Variants in CHD6 observed in about 807,000 individuals in gnomAD.
CHD6 encodes the protein ATP-dependent chromatin remodeler CHD6.
CHD6 carries 50 observed loss-of-function variants against 276.9 expected under a neutral mutation model. The observed-to-expected ratio is 0.18, with a 90% confidence interval of 0.14 to 0.23. The LOEUF (loss-of-function observed/expected upper bound fraction) is 0.23, where lower values mean the gene tolerates loss of function less well. Among genes scored for constraint, CHD6 ranks in the 10% least tolerant of loss-of-function variants. CHD6 has a pLI of 1.00. For synonymous variants in CHD6, 1,173 were observed against 1,229.3 expected, an observed-to-expected ratio of 0.95 and a Z score of 0.96; for missense variants, 2,564 against 3,365.8, an observed-to-expected ratio of 0.76 and a Z score of 5.89.
intron 2 of CHD6, among the ~76,000 whole-genome samples, chr20:41,535,147 C>T (rs2044798196): frequency 6.6e-6 from 1 of 152,096 alleles, no homozygotes; most frequent in South Asian, 2.1e-4. Flanking sequence ...GTCTTTTCAG[C>T]TCATATCTCA....
chr20:41,536,053 T>TA (rs11481883), intron 2 of CHD6, among the ~76,000 whole-genome samples: 11,673 of 152,016 alleles, frequency 0.077, 870 homozygotes, highest in East Asian at 0.32. Flanking sequence ...TGCTGAAGAT[T>TA]AAAAAATATA....
At chr20:41,553,574 G>C (rs913808492) in intron 1 of CHD6, among the ~76,000 whole-genome samples, 7 of 152,242 alleles carry the variant, frequency 4.6e-5, no homozygotes, top group African/African-American at 1.4e-4. Flanking sequence ...TAGTTTAAGA[G>C]CGTGAGGTCT....
intron 1 of CHD6, among the ~76,000 whole-genome samples, chr20:41,554,957 C>T (rs2045200894): frequency 6.6e-6 from 1 of 151,556 alleles, no homozygotes; most frequent in South Asian, 2.1e-4. Flanking sequence ...GTAGGGGCAG[C>T]CGGGCAGAGG....
At chr20:41,472,651 C>T (rs1003207823) in intron 17 of CHD6, among the ~76,000 whole-genome samples, 1 of 152,174 alleles carries the variant, frequency 6.6e-6, no homozygotes, top group Non-Finnish European at 1.5e-5. Context: ...ATTGTTTTTA[C>T]TTTGAAACAG....
chr20:41,463,043 A>T, intron 17 of CHD6, among the ~76,000 whole-genome samples: 1 of 152,236 alleles, frequency 6.6e-6, no homozygotes, highest in Non-Finnish European at 1.5e-5. Context: ...AAATTACTCA[A>T]AGAACGAGGG....
intron 1 of CHD6, among the ~76,000 whole-genome samples, chr20:41,552,439 G>A (rs1021873018): frequency 3.9e-5 from 6 of 152,084 alleles, no homozygotes; most frequent in African/African-American, 1.4e-4. Context: ...TATTTGAGGT[G>A]GTAGATATGT....
chr20:41,497,648 C>A (rs1601010817), intron 7 of CHD6, 147 bp from the exon 8 acceptor site: 1 of 685,594 alleles, frequency 1.5e-6, no homozygotes, highest in East Asian at 2.6e-5. Context: ...TTAGAAAGAC[C>A]TTCCCCTTAA....
At chr20:41,509,710 AAC>A (rs1461230101) in intron 5 of CHD6, among the ~76,000 whole-genome samples, 1 of 152,194 alleles carries the variant, frequency 6.6e-6, no homozygotes, top group Non-Finnish European at 1.5e-5. Context: ...CAGGCTTGTC[AAC>A]AGTCTTTACA....
At position 41,473,352 on chromosome 20, in the gene CHD6, A is replaced by G; in HGVS notation, c.2634T>C (p.Asp878=). The G allele has an allele frequency of 6.2e-7, 1 of 1,614,036 alleles. No homozygotes were observed. The highest frequency in any genetic ancestry group is 8.5e-7 in the Non-Finnish European group (1 of 1,179,962). ...LTAADTCIIF[D]SDWNPQNDLQ... ...AGTCATTTTGTGGGTTCCAGTCAGA[A>G]TCAAATATGATGCAGGTATCAGCAG... The change falls in exon 17 of 37, where the codon GAT becomes GAC. Residue 878 remains aspartate (D), a synonymous_variant. Transcript: ENST00000373233. The surrounding 1 kb of genome is among the most constrained non-coding windows in gnomAD (Gnocchi z 4.1).
intron 1 of CHD6, among the ~76,000 whole-genome samples, chr20:41,610,978 T>C (rs929653742): frequency 6.6e-6 from 1 of 152,190 alleles, no homozygotes; most frequent in Non-Finnish European, 1.5e-5. Flanking sequence ...AAAAGTCATG[T>C]TGAAAGACAT....
At chr20:41,448,990 C>A (rs1044187846) in intron 23 of CHD6, among the ~76,000 whole-genome samples, 1 of 152,062 alleles carries the variant, frequency 6.6e-6, no homozygotes, top group Non-Finnish European at 1.5e-5. Flanking sequence ...CAACCTCCCC[C>A]TCCTGGGTTC....
At chr20:41,504,773 AAT>A (rs1205188896) in intron 5 of CHD6, among the ~76,000 whole-genome samples, 1 of 152,128 alleles carries the variant, frequency 6.6e-6, no homozygotes, top group African/African-American at 2.4e-5. Flanking sequence ...TGCCAACTCT[AAT>A]ATCTGGATCA....
intron 1 of CHD6, among the ~76,000 whole-genome samples, chr20:41,612,439 C>CT (rs1601197407): frequency 1.3e-5 from 2 of 152,152 alleles, no homozygotes; most frequent in East Asian, 3.8e-4. Context: ...ACCAGGTTTG[C>CT]TTAAAGAAGC....
chr20:41,526,484 T>A (rs773687055), intron 3 of CHD6, among the ~76,000 whole-genome samples: 16 of 152,224 alleles, frequency 1.1e-4, no homozygotes, highest in Non-Finnish European at 2.4e-4. Context: ...GAAAGGTAGT[T>A]GAGTTCTACT....
intron 27 of CHD6, among the ~76,000 whole-genome samples, chr20:41,436,872 A>C (rs1437167303): frequency 6.6e-6 from 1 of 152,220 alleles, no homozygotes; most frequent in Non-Finnish European, 1.5e-5. Flanking sequence ...TGAAGGCAGA[A>C]GGAAGAGGAT....
chr20:41,454,489 G>A, intron 20 of CHD6, 137 bp downstream of exon 20: 1 of 618,148 alleles, frequency 1.6e-6, no homozygotes, highest in Admixed American at 3.2e-5. Context: ...TATGTGCCAG[G>A]CATATTTTAA....
At chr20:41,456,851 TTA>T (rs1194717528) in intron 18 of CHD6, among the ~76,000 whole-genome samples, 3 of 152,206 alleles carry the variant, frequency 2.0e-5, no homozygotes, top group African/African-American at 4.8e-5. Context: ...ATCCAGCACT[TTA>T]TGTTTTTAAT....
intron 2 of CHD6, among the ~76,000 whole-genome samples, chr20:41,550,188 C>T (rs150238047): frequency 7.9e-5 from 12 of 152,224 alleles, no homozygotes; most frequent in Admixed American, 3.3e-4. Flanking sequence ...CGGATGTGTA[C>T]GTTCTTTTCC....
intron 36 of CHD6, among the ~76,000 whole-genome samples, chr20:41,407,035 T>C (rs1472019306): frequency 1.3e-5 from 2 of 152,146 alleles, no homozygotes; most frequent in Non-Finnish European, 2.9e-5. Flanking sequence ...CTTCAATGGA[T>C]CTTGTCACAC....
Sources: allele counts gnomAD v4.1 joint callset (sites outside exome capture counted in the v4.1 genomes callset), GRCh38; gene constraint gnomAD v4.1.1; non-coding constraint Gnocchi (gnomAD v3.1); transcripts MANE v1.5; gene names NCBI Gene and HGNC (gene_info 2026-07-23, HGNC 2026-07-21).